Variants in TET2 observed in about 807,000 individuals in gnomAD.
The protein encoded by TET2 is methylcytosine dioxygenase TET2.
In TET2, 299 loss-of-function variants were observed where a neutral mutation model predicts 142.9. That is an observed-to-expected ratio of 2.09 (90% CI 1.90 to 2.30). The LOEUF (loss-of-function observed/expected upper bound fraction) is 2.30, where lower values mean the gene tolerates loss of function less well. Ranked by LOEUF, TET2 falls within the 30% of genes most tolerant of loss-of-function variation. The probability of loss-of-function intolerance (pLI) is 0.00; values close to 1 mark genes in which losing one functional copy is unlikely to be tolerated. For synonymous variants in TET2, 819 were observed against 849.0 expected, an observed-to-expected ratio of 0.96 and a Z score of 0.61; for missense variants, 2,418 against 2,378.0, an observed-to-expected ratio of 1.02 and a Z score of -0.35.
At chr4:105,273,800 C>T (rs1358020810) in intron 10 of TET2, among the ~76,000 whole-genome samples, 1 of 152,112 alleles carries the variant, frequency 6.6e-6, no homozygotes, top group Non-Finnish European at 1.5e-5. Context: ...TGCTACAAAA[C>T]TTTTACCCAT....
At position 105,243,822 on chromosome 4, in the gene TET2, A is replaced by G. The variant is rs546974251; in HGVS notation, c.3803+44A>G. On this transcript the variant is annotated intron_variant, in intron 6 of 10. Transcript: ENST00000380013. ...CTCTCCCCTCTTTGCGGCCACTGAT[A>G]GGAAAGCCCAATCTTTGGTTGAAAG... is the stretch of plus-strand genomic sequence containing the variant. 62 of 1,510,342 alleles carry G rather than the reference A, an allele frequency of 4.1e-5. 3 individuals carry two copies. In the South Asian group the frequency reaches 7.1e-4, roughly 17 times the overall value. The allele number at this position is 1,510,342 out of a possible 1,614,324, so 93.6% of individuals were successfully genotyped here.
chr4:105,181,167 TC>T (rs1244127525), intron 1 of TET2, among the ~76,000 whole-genome samples: 3 of 152,224 alleles, frequency 2.0e-5, no homozygotes, highest in Non-Finnish European at 4.4e-5. Context: ...AGTCTACCTT[TC>T]TCAGCTACGA....
intron 2 of TET2, among the ~76,000 whole-genome samples, chr4:105,216,535 G>A (rs528818440): frequency 1.3e-5 from 2 of 152,154 alleles, no homozygotes; most frequent in African/African-American, 4.8e-5. Flanking sequence ...AAGGGGGTAA[G>A]CTACAACTTT....
At chr4:105,178,711 T>C (rs184215730) in intron 1 of TET2, among the ~76,000 whole-genome samples, 5 of 152,298 alleles carry the variant, frequency 3.3e-5, no homozygotes, top group Non-Finnish European at 5.9e-5. Flanking sequence ...TGTGAATCAA[T>C]TTTACTGTAA....
chr4:105,279,661 A>C lies in TET2; in HGVS notation c.*3142A>C. 4.3e-6 allele frequency: 1 copy of C among 231,176 alleles called. No individual in the cohort carries two copies. The highest frequency in any genetic ancestry group is 5.6e-5 in the Admixed American group (1 of 17,744). The allele number at this position is 231,176 out of a possible 1,614,324, so 14.3% of individuals were successfully genotyped here. On this transcript the variant is annotated 3_prime_UTR_variant, in exon 11 of 11. Transcript: ENST00000380013. Reference sequence around the variant, plus strand: ...CATTTTCATGAGATGTTTGGTTTATAAGATCTGAGGATGGTTATAAATACT... The same window carrying C: ...CATTTTCATGAGATGTTTGGTTTATCAGATCTGAGGATGGTTATAAATACT...
intron 8 of TET2, 134 bp downstream of exon 8, chr4:105,261,982 A>G: frequency 1.6e-6 from 1 of 619,334 alleles, no homozygotes; most frequent in Non-Finnish European, 2.8e-6. Context: ...AAACCACTGC[A>G]GTGTTCAGTT....
At chr4:105,208,749 G>T (rs1475685120) in intron 2 of TET2, among the ~76,000 whole-genome samples, 2 of 151,912 alleles carry the variant, frequency 1.3e-5, no homozygotes, top group African/African-American at 4.8e-5. Context: ...GATTAATTTA[G>T]CGTGAATTCT....
intron 1 of TET2, among the ~76,000 whole-genome samples, chr4:105,169,770 G>A (rs1393974956): frequency 1.3e-5 from 2 of 152,118 alleles, no homozygotes; most frequent in African/African-American, 4.8e-5. Context: ...GGTGAGAGAT[G>A]AGGATCTAGT....
chr4:105,259,479 G>A, intron 6 of TET2, 140 bp from the exon 7 acceptor site: 2 of 684,994 alleles, frequency 2.9e-6, no homozygotes, highest in Non-Finnish European at 4.6e-6. Flanking sequence ...ATAGTTCTGT[G>A]TGTGGTTATG....
At chr4:105,249,932 T>G (rs1729781458) in intron 6 of TET2, among the ~76,000 whole-genome samples, 1 of 152,208 alleles carries the variant, frequency 6.6e-6, no homozygotes, top group Non-Finnish European at 1.5e-5. Flanking sequence ...TCTTTTTAAT[T>G]GGCAGCTTGT....
At chr4:105,186,098 T>C (rs1452785861) in intron 1 of TET2, among the ~76,000 whole-genome samples, 7 of 152,064 alleles carry the variant, frequency 4.6e-5, no homozygotes, top group Non-Finnish European at 8.8e-5. Context: ...GGTGTGGTGG[T>C]ACATGCCTGT....
At chr4:105,237,610 A>G in intron 3 of TET2, 4 of 1,456,434 alleles carry the variant, frequency 2.7e-6, no homozygotes, top group Non-Finnish European at 3.6e-6. Context: ...CAGATCCTGT[A>G]AAATTTGAAT....
At chr4:105,197,070 G>T (rs1019602280) in intron 2 of TET2, among the ~76,000 whole-genome samples, 4 of 152,266 alleles carry the variant, frequency 2.6e-5, no homozygotes, top group African/African-American at 7.2e-5. Flanking sequence ...ATCGGAGCTT[G>T]AACCTCAGAG....
At position 105,235,402 on chromosome 4, in the gene TET2, G is replaced by C. The variant is rs78685949; in HGVS notation, c.1460G>C (p.Arg487Thr). The C allele has an allele frequency of 1.2e-5, 19 of 1,614,204 alleles. No homozygotes were observed. Among genetic ancestry groups the C allele is most frequent in the Non-Finnish European group, 1.5e-5 (18 of 1,180,028 alleles). The change falls in exon 3 of 11, where the codon AGG becomes ACG. Residue 487 changes from arginine (R) to threonine (T), a missense_variant. Coordinates refer to ENST00000380013, the MANE Select transcript of TET2 (RefSeq NM_001127208.3). ...SERPQNNCVN[R>T]NDIQTAGTMT... Reference sequence around the variant, plus strand: ...AGGCCTCAGAATAATTGTGTGAACAGGAATGACATACAGACTGCAGGGACA... The same window carrying C: ...AGGCCTCAGAATAATTGTGTGAACACGAATGACATACAGACTGCAGGGACA...
chr4:105,257,762 TTA>T (rs753017346), intron 6 of TET2, among the ~76,000 whole-genome samples: 1 of 152,156 alleles, frequency 6.6e-6, no homozygotes, highest in Non-Finnish European at 1.5e-5. Flanking sequence ...TTTAGTTATC[TTA>T]TGTTTTGCTC....
intron 9 of TET2, among the ~76,000 whole-genome samples, 199 bp from the exon 10 acceptor site, chr4:105,272,365 T>C (rs577448499): frequency 4.6e-5 from 7 of 152,300 alleles, no homozygotes; most frequent in Admixed American, 4.6e-4. Flanking sequence ...TGTCAATTTG[T>C]CTTATCTCCC....
chr4:105,148,745 T>G (rs1003312840), intron 1 of TET2, among the ~76,000 whole-genome samples: 1 of 152,218 alleles, frequency 6.6e-6, no homozygotes, highest in Non-Finnish European at 1.5e-5. Flanking sequence ...TTTTTTTAAA[T>G]GTTAATAAGC....
intron 1 of TET2, among the ~76,000 whole-genome samples, chr4:105,166,748 T>G (rs544073287): frequency 6.6e-6 from 1 of 152,154 alleles, no homozygotes; most frequent in Admixed American, 6.5e-5. Flanking sequence ...TAATTTTCTC[T>G]CAGAGCTTGG....
intron 2 of TET2, among the ~76,000 whole-genome samples, chr4:105,193,095 A>T (rs1286461936): frequency 6.6e-6 from 1 of 152,200 alleles, no homozygotes; most frequent in Non-Finnish European, 1.5e-5. Flanking sequence ...TTGGAAGTTG[A>T]ATAGCAAGGT....
Sources: gnomAD v4.1 joint callset for allele counts (sites outside exome capture counted in the v4.1 genomes callset) on GRCh38, gnomAD v4.1.1 for gene constraint, MANE v1.5 for transcripts, NCBI Gene and HGNC (gene_info 2026-07-23, HGNC 2026-07-21) for gene names.